The following ITPR1 variants were observed in gnomAD, a reference collection of about 807,000 sequenced individuals.
ITPR1 encodes inositol 1,4,5-trisphosphate receptor type 1.
In ITPR1, 96 loss-of-function variants were observed where a neutral mutation model predicts 318.4. That is an observed-to-expected ratio of 0.30 (90% CI 0.26 to 0.36). The LOEUF is 0.36. Among genes scored for constraint, ITPR1 ranks in the 10% least tolerant of loss-of-function variants. The probability of loss-of-function intolerance (pLI) is 1.00; values close to 1 mark genes in which losing one functional copy is unlikely to be tolerated. For missense variants in ITPR1, 2,440 were observed against 3,460.2 expected, an observed-to-expected ratio of 0.71 and a Z score of 7.40; for synonymous variants, 1,312 against 1,289.9, an observed-to-expected ratio of 1.02 and a Z score of -0.37.
chr3:4,633,504 G>T (rs530509229), intron 5 of ITPR1, among the ~76,000 whole-genome samples: 15 of 152,158 alleles, frequency 9.9e-5, no homozygotes, highest in Non-Finnish European at 2.1e-4. Context: ...GCCATTTAAG[G>T]AATTAGTTGT....
rs2125423186 is a variant in ITPR1 at position 4,800,426 on chromosome 3, A to G, written c.6933A>G (p.Gly2311=). ...GAGAACCCTGTTTTGTCCTTGCAGGAACCCTGGAGCCCCACTGGTCGGGAC... is the reference window on the plus strand; with the variant it reads ...GAGAACCCTGTTTTGTCCTTGCAGGGACCCTGGAGCCCCACTGGTCGGGAC... ...FFYPFKGVRG[G]TLEPHWSGLL... is the part of the protein sequence containing the mutation. Residue 2311 remains glycine, a splice_region_variant and synonymous_variant, in exon 54 of 62, where the codon GGA becomes GGG. Transcript: ENST00000649015. The G allele has an allele frequency of 6.2e-7, 1 of 1,613,250 alleles. No individual in the cohort carries two copies. The highest frequency in any genetic ancestry group is 8.5e-7 in the Non-Finnish European group (1 of 1,179,642).
rs2291472 is a variant in ITPR1 at position 4,706,369 on chromosome 3, G to A, written c.4842+18G>A. 48 of 1,589,408 alleles carry A rather than the reference G, an allele frequency of 3.0e-5. No individual in the cohort carries two copies. In the East Asian group the frequency reaches 8.1e-4, roughly 27 times the overall value. The stretch of plus-strand genomic sequence containing the variant: ...GATTGCAGGTAATGCCTGGTGTTGA[G>A]AGAAGTGATGCTTAGCCTGGCCTCA... On this transcript the variant is annotated intron_variant, in intron 37 of 61. Coordinates refer to ENST00000649015, the MANE Select transcript of ITPR1 (RefSeq NM_001378452.1).
intron 2 of ITPR1, among the ~76,000 whole-genome samples, chr3:4,499,904 T>G (rs1390406309): frequency 2.6e-5 from 4 of 152,210 alleles, no homozygotes; most frequent in Non-Finnish European, 1.5e-5. Context: ...TCCCAGTAGC[T>G]GGGACTCCAG....
chr3:4,818,969 A>G (rs1559952403), intron 60 of ITPR1, among the ~76,000 whole-genome samples: 1 of 152,146 alleles, frequency 6.6e-6, no homozygotes, highest in Non-Finnish European at 1.5e-5. Flanking sequence ...AGGAGCATGA[A>G]CTGTGAAATC....
chr3:4,687,210 T>C (rs1331930320), intron 30 of ITPR1, among the ~76,000 whole-genome samples: 1 of 152,234 alleles, frequency 6.6e-6, no homozygotes, highest in African/African-American at 2.4e-5. Context: ...TCCTTGATAC[T>C]CCCTCTCTAC....
At chr3:4,803,076 GA>G (rs1451880472) in intron 54 of ITPR1, among the ~76,000 whole-genome samples, 1 of 152,208 alleles carries the variant, frequency 6.6e-6, no homozygotes, top group African/African-American at 2.4e-5. Flanking sequence ...AGGCCTCAGG[GA>G]GCTTTCACTC....
intron 4 of ITPR1, among the ~76,000 whole-genome samples, chr3:4,544,364 T>G (rs2084761468): frequency 6.6e-6 from 1 of 152,232 alleles, no homozygotes; most frequent in African/African-American, 2.4e-5. Context: ...GTAATGTAAC[T>G]ATCCACAGGA....
intron 41 of ITPR1, 25 bp downstream of exon 41, chr3:4,725,606 G>C: frequency 6.3e-7 from 1 of 1,588,842 alleles, no homozygotes; most frequent in Non-Finnish European, 8.5e-7. Flanking sequence ...TATATTTGTA[G>C]CGCCAGCGCC....
intron 4 of ITPR1, among the ~76,000 whole-genome samples, chr3:4,581,818 T>G (rs2089373261): frequency 6.6e-6 from 1 of 152,230 alleles, no homozygotes; most frequent in Non-Finnish European, 1.5e-5. Flanking sequence ...GTTGTCCCTG[T>G]GGACTCAAAA....
chr3:4,712,268 T>A (rs1415824835), intron 39 of ITPR1, among the ~76,000 whole-genome samples: 1 of 152,220 alleles, frequency 6.6e-6, no homozygotes, highest in Non-Finnish European at 1.5e-5. Context: ...TGTTGCGCAA[T>A]CCTTTCAGTG....
chr3:4,545,730 C>T (rs1201815203), intron 4 of ITPR1, among the ~76,000 whole-genome samples: 16 of 129,382 alleles, frequency 1.2e-4, no homozygotes, highest in African/African-American at 3.2e-4. Context: ...CAGAGTCTTG[C>T]TCTGTCACCC....
intron 44 of ITPR1, chr3:4,735,704 G>C (rs769284805): frequency 2.3e-4 from 46 of 202,696 alleles, no homozygotes; most frequent in Non-Finnish European, 3.9e-4. Flanking sequence ...CAAGATTGTA[G>C]GGGATCTCAT....
chr3:4,843,423 T>C (rs2051518187), intron 61 of ITPR1, among the ~76,000 whole-genome samples: 1 of 152,208 alleles, frequency 6.6e-6, no homozygotes, highest in Non-Finnish European at 1.5e-5. Flanking sequence ...GAAAAACCTC[T>C]TCTAGAGCAG....
intron 36 of ITPR1, among the ~76,000 whole-genome samples, chr3:4,704,876 C>T (rs1322324536): frequency 2.6e-5 from 4 of 152,058 alleles, no homozygotes; most frequent in African/African-American, 9.7e-5. Context: ...TTATGAATAT[C>T]CAAGGCATAG....
At chr3:4,706,828 A>T (rs185783131) in intron 37 of ITPR1, among the ~76,000 whole-genome samples, 8 of 152,340 alleles carry the variant, frequency 5.3e-5, no homozygotes, top group South Asian at 4.1e-4. Context: ...AGAATCTACC[A>T]AGACATCTGC....
At chr3:4,536,019 C>A (rs962033787) in intron 4 of ITPR1, among the ~76,000 whole-genome samples, 1 of 152,162 alleles carries the variant, frequency 6.6e-6, no homozygotes, top group Non-Finnish European at 1.5e-5. Flanking sequence ...ATTGTGTGAA[C>A]TTAGAAAGCT....
intron 54 of ITPR1, among the ~76,000 whole-genome samples, chr3:4,803,244 A>G (rs2048355721): frequency 6.6e-6 from 1 of 152,154 alleles, no homozygotes; most frequent in Non-Finnish European, 1.5e-5. Flanking sequence ...CCCAGGCCCC[A>G]CCTCTGACAC....
At position 4,587,048 on chromosome 3, in the gene ITPR1, A is replaced by G. The variant is rs373148606; in HGVS notation, c.164-40715A>G. On this transcript the variant is annotated intron_variant, in intron 4 of 61. Coordinates refer to ENST00000649015, the MANE Select transcript of ITPR1 (RefSeq NM_001378452.1). ...CCCTGGCTCCATCCTTGCAGTTGGTATAAGACTCGGGAATAAATATTTTTT... is the reference window on the plus strand; with the variant it reads ...CCCTGGCTCCATCCTTGCAGTTGGTGTAAGACTCGGGAATAAATATTTTTT... Among the ~76,000 whole-genome samples the G allele has an allele frequency of 1.7e-3, 257 of 152,286 alleles. 2 individuals carry two copies. Among genetic ancestry groups the G allele is most frequent in the African/African-American group, 5.8e-3 (242 of 41,562 alleles).
intron 4 of ITPR1, among the ~76,000 whole-genome samples, chr3:4,560,690 G>C (rs979469709): frequency 6.6e-6 from 1 of 152,172 alleles, no homozygotes; most frequent in Non-Finnish European, 1.5e-5. Context: ...GAATCTTCTT[G>C]AACAGTTCTG....
Sources: allele counts gnomAD v4.1 joint callset (sites outside exome capture counted in the v4.1 genomes callset), GRCh38; gene constraint gnomAD v4.1.1; transcripts MANE v1.5; gene names NCBI Gene and HGNC (gene_info 2026-07-23, HGNC 2026-07-21).